C8A: variants seen among roughly 807,000 people sequenced by gnomAD.
C8A encodes complement component C8 alpha chain.
Under a neutral mutation model 65.3 loss-of-function variants are expected in C8A, and 67 were observed. The observed-to-expected ratio is 1.03, with a 90% CI of 0.84 to 1.26. The LOEUF (loss-of-function observed/expected upper bound fraction) is 1.26. C8A is among the 50% of genes most tolerant of loss of function. The pLI is 0.00. For missense variants in C8A, 781 were observed against 723.9 expected, an observed-to-expected ratio of 1.08 and a Z score of -0.90; for synonymous variants, 290 against 259.4, an observed-to-expected ratio of 1.12 and a Z score of -1.13.
intron 7 of C8A, among the ~76,000 whole-genome samples, chr1:56,893,234 T>C (rs1644362098): frequency 1.3e-5 from 2 of 152,128 alleles, no homozygotes; most frequent in Non-Finnish European, 2.9e-5. Flanking sequence ...ACCAAGATAG[T>C]CATGAAAAGC....
chr1:56,910,803 C>T (rs1444459204), intron 9 of C8A, among the ~76,000 whole-genome samples: 1 of 152,206 alleles, frequency 6.6e-6, no homozygotes, highest in African/African-American at 2.4e-5. Context: ...AAGCTATTGC[C>T]AGTGCCCTCA....
intron 4 of C8A, among the ~76,000 whole-genome samples, chr1:56,881,204 C>G (rs140316770): frequency 6.6e-6 from 1 of 152,218 alleles, no homozygotes; most frequent in Non-Finnish European, 1.5e-5. Flanking sequence ...GCTACAACAT[C>G]TTTCAGAAGA....
chr1:56,878,603 C>A (rs559414047), intron 4 of C8A, among the ~76,000 whole-genome samples: 2 of 152,070 alleles, frequency 1.3e-5, no homozygotes, highest in Non-Finnish European at 2.9e-5. Flanking sequence ...ATCTCAAAGG[C>A]CTTCCTTTCT....
At chr1:56,875,395 T>A (rs1644188612) in intron 3 of C8A, among the ~76,000 whole-genome samples, 1 of 152,192 alleles carries the variant, frequency 6.6e-6, no homozygotes, top group East Asian at 1.9e-4. Context: ...TGCTATCTGC[T>A]GTTAATATAG....
At chr1:56,889,464 C>T (rs1268040497) in intron 7 of C8A, among the ~76,000 whole-genome samples, 1 of 152,128 alleles carries the variant, frequency 6.6e-6, no homozygotes, top group East Asian at 1.9e-4. Context: ...TAATAGCTTT[C>T]TCTCTGTCTT....
intron 2 of C8A, among the ~76,000 whole-genome samples, chr1:56,874,376 A>C (rs1358218998): frequency 2.0e-5 from 3 of 152,178 alleles, no homozygotes; most frequent in Admixed American, 2.0e-4. Context: ...GAAAGAGGGG[A>C]ATTCCAGGAC....
intron 2 of C8A, among the ~76,000 whole-genome samples, chr1:56,868,245 G>A (rs1380532649): frequency 6.6e-6 from 1 of 151,708 alleles, no homozygotes; most frequent in East Asian, 1.9e-4. Context: ...GATGTTGGGA[G>A]CCCTCCACTC....
intron 9 of C8A, among the ~76,000 whole-genome samples, chr1:56,909,101 C>T (rs1644488352): frequency 6.6e-6 from 1 of 152,208 alleles, no homozygotes; most frequent in Non-Finnish European, 1.5e-5. Flanking sequence ...GAAACCCTGC[C>T]TTAAATGCTT....
At chr1:56,914,543 T>C (rs1341477858) in intron 10 of C8A, among the ~76,000 whole-genome samples, 1 of 152,234 alleles carries the variant, frequency 6.6e-6, no homozygotes, top group Non-Finnish European at 1.5e-5. Context: ...AAGGGGATCT[T>C]CATGCAGTAG....
At chr1:56,894,222 T>C (rs1644370915) in intron 7 of C8A, among the ~76,000 whole-genome samples, 1 of 152,108 alleles carries the variant, frequency 6.6e-6, no homozygotes, top group Non-Finnish European at 1.5e-5. Context: ...GAAATCATTA[T>C]CATGATGTCC....
intron 2 of C8A, 119 bp from the exon 3 acceptor site, chr1:56,874,830 A>G: frequency 9.1e-7 from 1 of 1,100,156 alleles, no homozygotes; most frequent in Non-Finnish European, 1.3e-6. Context: ...ACAGCTTCAC[A>G]GGCAGGTCTC....
intron 10 of C8A, among the ~76,000 whole-genome samples, chr1:56,914,725 C>T (rs560443571): frequency 5.8e-4 from 88 of 152,182 alleles, no homozygotes; most frequent in Middle Eastern, 3.4e-3. Context: ...AGTGGAATGG[C>T]GTGATCTCAG....
intron 7 of C8A, among the ~76,000 whole-genome samples, chr1:56,886,531 A>G (rs1410898829): frequency 6.6e-6 from 1 of 152,164 alleles, no homozygotes; most frequent in Non-Finnish European, 1.5e-5. Context: ...ACAGTCAGTG[A>G]AGCTAGAAAC....
intron 10 of C8A, among the ~76,000 whole-genome samples, chr1:56,913,099 G>A (rs778518070): frequency 1.3e-5 from 2 of 152,106 alleles, no homozygotes; most frequent in Non-Finnish European, 2.9e-5. Flanking sequence ...TCGGCTTATA[G>A]ATGCATCGCT....
intron 2 of C8A, among the ~76,000 whole-genome samples, chr1:56,869,607 T>C (rs1328746016): frequency 1.3e-5 from 2 of 152,188 alleles, no homozygotes; most frequent in Non-Finnish European, 2.9e-5. Flanking sequence ...TCCATAATGG[T>C]TGTACTAGTT....
At chr1:56,871,463 T>C (rs1212798353) in intron 2 of C8A, among the ~76,000 whole-genome samples, 2 of 152,178 alleles carry the variant, frequency 1.3e-5, no homozygotes, top group African/African-American at 4.8e-5. Flanking sequence ...TATTATTGAG[T>C]GTATATCAGA....
chr1:56,915,666 A>G (rs1644545046), intron 10 of C8A, among the ~76,000 whole-genome samples: 2 of 152,236 alleles, frequency 1.3e-5, no homozygotes, highest in East Asian at 3.8e-4. Context: ...ACCTTATGAC[A>G]TAAATGCTAT....
chr1:56,904,777 C>T (rs1644451504), intron 7 of C8A, among the ~76,000 whole-genome samples: 1 of 152,194 alleles, frequency 6.6e-6, no homozygotes, highest in Admixed American at 6.5e-5. Flanking sequence ...ACAGACTCCC[C>T]TTGCTGGCTG....
chr1:56,893,744 T>G (rs1389627231), intron 7 of C8A, among the ~76,000 whole-genome samples: 1 of 152,152 alleles, frequency 6.6e-6, no homozygotes, highest in Non-Finnish European at 1.5e-5. Context: ...GAGTGGTTGG[T>G]TGTGAAGAAT....
Sources: allele counts gnomAD v4.1 joint callset (sites outside exome capture counted in the v4.1 genomes callset), GRCh38; gene constraint gnomAD v4.1.1; transcripts MANE v1.5; gene names NCBI Gene and HGNC (gene_info 2026-07-23, HGNC 2026-07-21).